INSYN2B: variants seen among roughly 807,000 people sequenced by gnomAD.
INSYN2B encodes the protein protein INSYN2B.
A neutral mutation model predicts 41.2 loss-of-function variants in INSYN2B; 16 were observed. The ratio of observed to expected loss-of-function variants is 0.39; its 90% CI spans 0.26 to 0.59. The LOEUF (loss-of-function observed/expected upper bound fraction) is 0.59, where lower values mean the gene tolerates loss of function less well. Among genes scored for constraint, INSYN2B ranks in the 20% least tolerant of loss-of-function variants. INSYN2B has a pLI of 0.57. For synonymous variants in INSYN2B, 245 were observed against 244.4 expected, an observed-to-expected ratio of 1.00 and a Z score of -0.02; for missense variants, 608 against 646.4, an observed-to-expected ratio of 0.94 and a Z score of 0.64.
chr5:169,937,813 G>T (rs67777), intron 1 of INSYN2B, among the ~76,000 whole-genome samples: 9,222 of 152,294 alleles, frequency 0.061, 651 homozygotes, highest in African/African-American at 0.17. Context: ...CTAAAGGCAT[G>T]GATCATTCTA....
At chr5:169,965,603 G>A (rs1447369369) in intron 1 of INSYN2B, among the ~76,000 whole-genome samples, 9 of 152,136 alleles carry the variant, frequency 5.9e-5, no homozygotes, top group Admixed American at 3.3e-4. Context: ...TCCCAATGTC[G>A]GGAGAGCTGG....
In INSYN2B at chr5:169,882,554, C is replaced by T; in HGVS notation, c.1345G>A (p.Gly449Arg). The change falls in exon 2 of 4, where the codon GGG becomes AGG. Residue 449 changes from glycine (G) to arginine (R), a missense_variant and splice_region_variant. Physicochemically the swap from Gly to Arg is moderately radical, Grantham distance 125. Transcript: ENST00000377365. ...DLEKARALTE[G>R]RNFYRTGQDL... ...AATATGAAAAAAAAATCTCCTTACCCTTCAGTGAGAGCTCGAGCTTTCTCC... is the reference window on the plus strand; with the variant it reads ...AATATGAAAAAAAAATCTCCTTACCTTTCAGTGAGAGCTCGAGCTTTCTCC... 1 of 1,543,446 alleles carries T rather than the reference C, an allele frequency of 6.5e-7. No individual in the cohort carries two copies. The highest frequency in any genetic ancestry group is 8.8e-7 in the Non-Finnish European group (1 of 1,140,510).
intron 1 of INSYN2B, among the ~76,000 whole-genome samples, chr5:169,937,182 T>A (rs1311516439): frequency 6.6e-6 from 1 of 152,236 alleles, no homozygotes; most frequent in Non-Finnish European, 1.5e-5. Context: ...CAGAGCTGCT[T>A]TCAAACCACC....
intron 1 of INSYN2B, among the ~76,000 whole-genome samples, chr5:169,967,085 G>A (rs1777329287): frequency 6.6e-6 from 1 of 152,230 alleles, no homozygotes; most frequent in Non-Finnish European, 1.5e-5. Flanking sequence ...GGGATAAAGA[G>A]ATAAGGAGAA....
intron 1 of INSYN2B, among the ~76,000 whole-genome samples, chr5:169,914,587 G>A (rs754659785): frequency 1.2e-4 from 18 of 152,202 alleles, no homozygotes; most frequent in Non-Finnish European, 2.2e-4. Flanking sequence ...CCTGCACAGT[G>A]TCTTAAAAAT....
At chr5:169,895,939 TC>T (rs1773573651) in intron 1 of INSYN2B, among the ~76,000 whole-genome samples, 1 of 152,180 alleles carries the variant, frequency 6.6e-6, no homozygotes, top group Non-Finnish European at 1.5e-5. Flanking sequence ...CCTGGAGATG[TC>T]CCCGATTACC....
chr5:169,948,866 C>T (rs969778461), intron 1 of INSYN2B, among the ~76,000 whole-genome samples: 2 of 152,092 alleles, frequency 1.3e-5, no homozygotes, highest in Non-Finnish European at 2.9e-5. Flanking sequence ...TGACTGGCAC[C>T]TGGTCATTCG....
chr5:169,961,927 C>T (rs894040693), intron 1 of INSYN2B, among the ~76,000 whole-genome samples: 158 of 137,406 alleles, frequency 1.1e-3, no homozygotes, highest in African/African-American at 4.2e-3. Context: ...TGCAGTGAGC[C>T]GAGATCGTGC....
intron 3 of INSYN2B, among the ~76,000 whole-genome samples, chr5:169,871,783 G>T (rs1771993376): frequency 6.6e-6 from 1 of 152,220 alleles, no homozygotes; most frequent in Non-Finnish European, 1.5e-5. Flanking sequence ...CTAAACTAGG[G>T]CTGGGGTGCA....
At chr5:169,928,110 G>T (rs1045274474) in intron 1 of INSYN2B, among the ~76,000 whole-genome samples, 2 of 152,184 alleles carry the variant, frequency 1.3e-5, no homozygotes, top group Non-Finnish European at 2.9e-5. Flanking sequence ...TCAACCTGGG[G>T]TTCCTTCAGG....
At chr5:169,911,843 G>C (rs1247796233) in intron 1 of INSYN2B, among the ~76,000 whole-genome samples, 2 of 152,182 alleles carry the variant, frequency 1.3e-5, no homozygotes, top group African/African-American at 2.4e-5. Context: ...GAAAATAAAG[G>C]GAGGGAAGTG....
chr5:169,952,427 GACAA>G (rs1221885256), intron 1 of INSYN2B, among the ~76,000 whole-genome samples: 1 of 152,008 alleles, frequency 6.6e-6, no homozygotes, highest in Non-Finnish European at 1.5e-5. Flanking sequence ...TTAAGTAAAG[GACAA>G]ACAGAGAAGT....
intron 3 of INSYN2B, among the ~76,000 whole-genome samples, chr5:169,874,575 T>G (rs923971975): frequency 5.9e-5 from 9 of 152,090 alleles, no homozygotes; most frequent in African/African-American, 2.2e-4. Flanking sequence ...GGGAATGTAG[T>G]GGTAATGGTC....
At chr5:169,929,130 T>A (rs1229507704) in intron 1 of INSYN2B, among the ~76,000 whole-genome samples, 1 of 152,194 alleles carries the variant, frequency 6.6e-6, no homozygotes, top group Non-Finnish European at 1.5e-5. Flanking sequence ...AGAGTGCCTA[T>A]GCAGGAAGCC....
intron 3 of INSYN2B, among the ~76,000 whole-genome samples, chr5:169,867,349 C>T (rs554525736): frequency 3.9e-5 from 6 of 152,258 alleles, no homozygotes; most frequent in Middle Eastern, 3.4e-3. Flanking sequence ...AACGTGATAA[C>T]AAAAGATTGT....
intron 1 of INSYN2B, among the ~76,000 whole-genome samples, chr5:169,941,364 G>C (rs1776239552): frequency 2.0e-5 from 3 of 152,030 alleles, no homozygotes; most frequent in Admixed American, 1.3e-4. Context: ...TGTGCCCCCA[G>C]GCCCAGCTAA....
At chr5:169,943,591 C>A (rs1008931744) in intron 1 of INSYN2B, among the ~76,000 whole-genome samples, 1 of 152,236 alleles carries the variant, frequency 6.6e-6, no homozygotes, top group Non-Finnish European at 1.5e-5. Context: ...TGGTTACCCT[C>A]ACCTCCTGGC....
intron 1 of INSYN2B, among the ~76,000 whole-genome samples, chr5:169,947,478 G>C (rs1024331311): frequency 1.3e-5 from 2 of 152,190 alleles, no homozygotes; most frequent in Non-Finnish European, 2.9e-5. Context: ...GAAAGCACAG[G>C]CTCAGAGAGG....
At position 169,863,464 on chromosome 5, in the gene INSYN2B, C is replaced by CA. The variant is rs1329855249; in HGVS notation, c.*808dup. Among the ~76,000 whole-genome samples, 1 of 152,180 alleles carries CA rather than the reference C, an allele frequency of 6.6e-6. No homozygotes were observed. Among genetic ancestry groups the CA allele is most frequent in the African/African-American group, 2.4e-5 (1 of 41,438 alleles). On this transcript the variant is annotated 3_prime_UTR_variant, in exon 4 of 4. Coordinates refer to ENST00000377365, the MANE Select transcript of INSYN2B (RefSeq NM_001129891.3). ...AACTATGGAGTCTTAAAGTTCACAC[C>CA]AAAAACAGATTCCACCCATTTGCCA...
Sources: gnomAD v4.1 joint callset for allele counts (sites outside exome capture counted in the v4.1 genomes callset) on GRCh38, gnomAD v4.1.1 for gene constraint, MANE v1.5 for transcripts, NCBI Gene and HGNC (gene_info 2026-07-23, HGNC 2026-07-21) for gene names.